Variants in SHISAL2B observed in about 807,000 individuals in gnomAD.
The protein encoded by SHISAL2B is shisa like 2B.
A neutral mutation model predicts 16.5 loss-of-function variants in SHISAL2B; 12 were observed. The observed-to-expected ratio is 0.73, with a 90% CI of 0.47 to 1.18. The LOEUF is 1.18. SHISAL2B is among the 50% of genes most tolerant of loss of function. The pLI, the probability that SHISAL2B is intolerant of heterozygous loss-of-function variation, is 0.00. For synonymous variants in SHISAL2B, 72 were observed against 75.0 expected, an observed-to-expected ratio of 0.96 and a Z score of 0.21; for missense variants, 183 against 193.6, an observed-to-expected ratio of 0.95 and a Z score of 0.33.
chr5:64,706,283 T>C (rs1741875861), intron 2 of SHISAL2B, among the ~76,000 whole-genome samples: 1 of 152,232 alleles, frequency 6.6e-6, no homozygotes, highest in African/African-American at 2.4e-5. Context: ...AGCCTTCCAC[T>C]AAATACACAA....
Position 64,690,801 on chromosome 5 carries a change from A to T in SHISAL2B, c.178A>T (p.Met60Leu). The T allele has an allele frequency of 1.3e-6, 2 of 1,535,856 alleles. No individual in the cohort carries two copies. Among genetic ancestry groups the T allele is most frequent in the Non-Finnish European group, 1.7e-6 (2 of 1,147,220 alleles). ...GSYFPYKHSY[M>L]WSLSIGALIG... ...CTACTTCCCCTACAAGCACAGCTAC[A>T]TGTGGAGCCTCAGGTGGGCTGAGAG... The change falls in exon 1 of 3, where the codon ATG (methionine) becomes TTG (leucine). Residue 60 changes from methionine (M) to leucine (L), a missense_variant. Met to Leu is a conservative substitution (Grantham distance 15, BLOSUM62 2). Transcript: ENST00000389074.
At chr5:64,708,196 G>T (rs1345586116) in intron 2 of SHISAL2B, among the ~76,000 whole-genome samples, 1 of 152,034 alleles carries the variant, frequency 6.6e-6, no homozygotes, top group African/African-American at 2.4e-5. Context: ...ATAGCCCAAA[G>T]AATACCAAAC....
intron 2 of SHISAL2B, among the ~76,000 whole-genome samples, chr5:64,709,439 G>C (rs1326678040): frequency 2.1e-5 from 3 of 144,920 alleles, no homozygotes; most frequent in Admixed American, 6.9e-5. Context: ...GTCTATCATT[G>C]TTGGACATTT....
At chr5:64,694,120 G>C in intron 1 of SHISAL2B, 1 of 455,394 alleles carries the variant, frequency 2.2e-6, no homozygotes, top group Non-Finnish European at 4.4e-6. Flanking sequence ...CCCAGAGAAA[G>C]AGCAGAAGCC....
chr5:64,707,035 C>A (rs557342233), intron 2 of SHISAL2B, among the ~76,000 whole-genome samples: 1 of 152,176 alleles, frequency 6.6e-6, no homozygotes, highest in East Asian at 1.9e-4. Context: ...AACAGGTGTA[C>A]TATAGCTCAT....
At chr5:64,691,207 G>A (rs557328801) in intron 1 of SHISAL2B, 67 of 201,602 alleles carry the variant, frequency 3.3e-4, no homozygotes, top group African/African-American at 1.4e-3. Context: ...GATAACCCAA[G>A]GGGAAGGTTT....
chr5:64,691,135 T>C (rs2112052519), intron 1 of SHISAL2B: 1 of 302,954 alleles, frequency 3.3e-6, no homozygotes, highest in East Asian at 5.4e-5. Context: ...AGCCGACTGC[T>C]CTCCCCTCGC....
At chr5:64,698,693 A>G (rs1354268710) in intron 2 of SHISAL2B, among the ~76,000 whole-genome samples, 2 of 152,060 alleles carry the variant, frequency 1.3e-5, no homozygotes, top group Non-Finnish European at 2.9e-5. Context: ...TATATCCTTT[A>G]CTTACCTGTT....
chr5:64,708,148 A>G (rs1455930858), intron 2 of SHISAL2B, among the ~76,000 whole-genome samples: 2 of 152,194 alleles, frequency 1.3e-5, no homozygotes, highest in Non-Finnish European at 2.9e-5. Flanking sequence ...GGAGTTTCCC[A>G]TAATTTGGGA....
chr5:64,715,161 A>C (rs944430511), intron 2 of SHISAL2B, among the ~76,000 whole-genome samples: 2 of 152,146 alleles, frequency 1.3e-5, no homozygotes, highest in Non-Finnish European at 2.9e-5. Context: ...GATACTAGAA[A>C]GCATTTTACT....
chr5:64,703,471 T>C (rs921729352), intron 2 of SHISAL2B, among the ~76,000 whole-genome samples: 4 of 152,224 alleles, frequency 2.6e-5, no homozygotes, highest in Non-Finnish European at 5.9e-5. Flanking sequence ...CTACATTTAT[T>C]AGGTTGGTAC....
intron 2 of SHISAL2B, among the ~76,000 whole-genome samples, chr5:64,696,749 C>T (rs1456330976): frequency 1.3e-5 from 2 of 152,212 alleles, no homozygotes; most frequent in East Asian, 3.8e-4. Context: ...CTCTCGAACC[C>T]TGTTTTCTGT....
chr5:64,691,385 G>GTT (rs1205609563), intron 1 of SHISAL2B: 2 of 152,512 alleles, frequency 1.3e-5, no homozygotes, highest in Non-Finnish European at 2.9e-5. Flanking sequence ...GTGTGTGTGT[G>GTT]TGTGTGTGTG....
rs908370636 is a variant in SHISAL2B, at chr5:64,700,472, G to A, written c.349+4808G>A. 5.9e-5 allele frequency among the ~76,000 whole-genome samples: 9 copies of A among 152,066 alleles called. No individual in the cohort carries two copies. In the South Asian group the frequency reaches 1.0e-3, roughly 18 times the overall value. On this transcript the variant is annotated intron_variant, in intron 2 of 2. Transcript: ENST00000389074. ...GTTGCCCAGGCTGGAGTATGGTGGCGCAATCTTGGCTCACTGCAACCTCTG... is the reference window on the plus strand; with the variant it reads ...GTTGCCCAGGCTGGAGTATGGTGGCACAATCTTGGCTCACTGCAACCTCTG...
chr5:64,712,468 C>T (rs1741973138), intron 2 of SHISAL2B, among the ~76,000 whole-genome samples: 1 of 151,428 alleles, frequency 6.6e-6, no homozygotes, highest in Non-Finnish European at 1.5e-5. Flanking sequence ...ACTATGTGGT[C>T]AATTTTGGAA....
chr5:64,695,213 C>A (rs1280189830), intron 1 of SHISAL2B, among the ~76,000 whole-genome samples: 1 of 146,394 alleles, frequency 6.8e-6, no homozygotes, highest in Non-Finnish European at 1.5e-5. Context: ...TGCAGTGATC[C>A]AAGATTGTGC....
At chr5:64,701,540 C>T (rs1324793774) in intron 2 of SHISAL2B, among the ~76,000 whole-genome samples, 1 of 151,990 alleles carries the variant, frequency 6.6e-6, no homozygotes, top group East Asian at 1.9e-4. Context: ...TTAGAAGGGG[C>T]TGGGGGAAGG....
Position 64,690,796 on chromosome 5 carries a change from G to A in SHISAL2B, c.173G>A (p.Ser58Asn). The change falls in exon 1 of 3, where the codon AGC becomes AAC. Residue 58 changes from serine to asparagine, a missense_variant. Ser to Asn is a conservative substitution (Grantham distance 46, BLOSUM62 1). Transcript: ENST00000389074. The stretch of plus-strand genomic sequence containing the variant: ...GGCAGCTACTTCCCCTACAAGCACA[G>A]CTACATGTGGAGCCTCAGGTGGGCT... Reference protein sequence around the residue: ...EPGSYFPYKHSYMWSLSIGAL... With the variant: ...EPGSYFPYKHNYMWSLSIGAL... 6.5e-7 allele frequency: 1 copy of A among 1,539,112 alleles called. No individual in the cohort carries two copies. Among genetic ancestry groups the A allele is most frequent in the Non-Finnish European group, 8.7e-7 (1 of 1,148,948 alleles).
chr5:64,714,362 G>A lies in SHISAL2B; in HGVS notation c.350-3527G>A, dbSNP rs796066430. Among the ~76,000 whole-genome samples the A allele has an allele frequency of 3.0e-3, 442 of 145,726 alleles. 5 individuals are homozygous for A. The highest frequency in any genetic ancestry group is 0.012 in the African/African-American group (431 of 36,824). On this transcript the variant is annotated intron_variant, in intron 2 of 2. Coordinates refer to ENST00000389074, the MANE Select transcript of SHISAL2B (RefSeq NM_001164442.2). ...CCAGTTAGGTTGCTCGGGGGTCAGGGGTCAGGGACCCACTTGAGGAGGCAG... is the reference window on the plus strand; with the variant it reads ...CCAGTTAGGTTGCTCGGGGGTCAGGAGTCAGGGACCCACTTGAGGAGGCAG...
Sources: allele counts gnomAD v4.1 joint callset (sites outside exome capture counted in the v4.1 genomes callset), GRCh38; gene constraint gnomAD v4.1.1; transcripts MANE v1.5; gene names NCBI Gene and HGNC (gene_info 2026-07-23, HGNC 2026-07-21).